The following GRIK1 variants were observed in gnomAD, a reference collection of about 807,000 sequenced individuals.
GRIK1 encodes glutamate ionotropic receptor kainate type subunit 1, also known as glutamate receptor ionotropic, kainate 1.
GRIK1 carries 69 observed loss-of-function variants against 105.7 expected under a neutral mutation model. The observed-to-expected ratio is 0.65, with a 90% CI of 0.54 to 0.80. The LOEUF (loss-of-function observed/expected upper bound fraction) is 0.80. GRIK1 is among the 30% of genes least tolerant of loss of function. GRIK1 has a pLI of 0.00. For missense variants in GRIK1, 1,109 were observed against 1,167.3 expected, an observed-to-expected ratio of 0.95 and a Z score of 0.73; for synonymous variants, 438 against 431.3, an observed-to-expected ratio of 1.02 and a Z score of -0.19.
intron 1 of GRIK1, among the ~76,000 whole-genome samples, chr21:29,814,889 A>G (rs1418947076): frequency 6.6e-6 from 1 of 152,088 alleles, no homozygotes; most frequent in Non-Finnish European, 1.5e-5. Context: ...TGACACCAGA[A>G]AGTCTTGTTT....
chr21:29,633,304 TC>T (rs1240875817), intron 7 of GRIK1, among the ~76,000 whole-genome samples: 4 of 152,122 alleles, frequency 2.6e-5, no homozygotes, highest in Non-Finnish European at 5.9e-5. Context: ...CTGGAGATTA[TC>T]CTGGCCAACA....
intron 1 of GRIK1, among the ~76,000 whole-genome samples, chr21:29,747,435 C>A (rs2065073364): frequency 6.6e-6 from 1 of 152,206 alleles, no homozygotes; most frequent in South Asian, 2.1e-4. Context: ...TGTGATCTGG[C>A]TTCCTGCAGG....
At chr21:29,722,783 A>G (rs189198123) in intron 1 of GRIK1, among the ~76,000 whole-genome samples, 3 of 152,240 alleles carry the variant, frequency 2.0e-5, no homozygotes, top group Admixed American at 1.3e-4. Context: ...GCTATTTGCC[A>G]TTGTGTTCTT....
chr21:29,566,907 C>A (rs1411873281), intron 14 of GRIK1, among the ~76,000 whole-genome samples: 2 of 152,142 alleles, frequency 1.3e-5, no homozygotes, highest in African/African-American at 4.8e-5. Context: ...ATACACAGAG[C>A]AGCAAACTCA....
At chr21:29,768,619 C>A (rs2065734455) in intron 1 of GRIK1, among the ~76,000 whole-genome samples, 1 of 152,306 alleles carries the variant, frequency 6.6e-6, no homozygotes, top group East Asian at 1.9e-4. Flanking sequence ...TCCTCCGCCT[C>A]TGGGTTGCAT....
At chr21:29,753,481 G>A (rs374628864) in intron 1 of GRIK1, among the ~76,000 whole-genome samples, 11 of 152,258 alleles carry the variant, frequency 7.2e-5, no homozygotes, top group Admixed American at 3.9e-4. Context: ...TGGACTCTCC[G>A]CAGATGGGGC....
intron 1 of GRIK1, among the ~76,000 whole-genome samples, chr21:29,704,939 A>C (rs1431224833): frequency 6.6e-6 from 1 of 152,182 alleles, no homozygotes; most frequent in Non-Finnish European, 1.5e-5. Context: ...TGATCACTTT[A>C]ATGTCTCTTG....
chr21:29,831,307 C>T (rs1467851305), intron 1 of GRIK1, among the ~76,000 whole-genome samples: 1 of 152,148 alleles, frequency 6.6e-6, no homozygotes, highest in African/African-American at 2.4e-5. Flanking sequence ...GTCCCATTGG[C>T]TTCCTTCAGT....
intron 1 of GRIK1, among the ~76,000 whole-genome samples, chr21:29,713,571 C>T (rs1601515081): frequency 6.6e-6 from 1 of 152,196 alleles, no homozygotes; most frequent in Middle Eastern, 3.4e-3. Flanking sequence ...ACCATAAATA[C>T]ATTAATAAAT....
intron 1 of GRIK1, among the ~76,000 whole-genome samples, chr21:29,786,058 G>T (rs140554666): frequency 2.0e-5 from 3 of 152,196 alleles, no homozygotes. Flanking sequence ...GGCGATCTCC[G>T]CTCACTGCAA....
At chr21:29,639,487 C>T (rs550863060) in intron 7 of GRIK1, among the ~76,000 whole-genome samples, 2 of 152,108 alleles carry the variant, frequency 1.3e-5, no homozygotes, top group Non-Finnish European at 2.9e-5. Context: ...GCATTGCAAT[C>T]AGAGTTAAAA....
chr21:29,912,348 G>A (rs1188015913), intron 1 of GRIK1, among the ~76,000 whole-genome samples: 1 of 151,986 alleles, frequency 6.6e-6, no homozygotes, highest in African/African-American at 2.4e-5. Context: ...AGAGATGTCA[G>A]CCCCAAGATA....
At chr21:29,754,767 T>C (rs2065292534) in intron 1 of GRIK1, among the ~76,000 whole-genome samples, 1 of 152,186 alleles carries the variant, frequency 6.6e-6, no homozygotes, top group Non-Finnish European at 1.5e-5. Flanking sequence ...ATTCAACCAG[T>C]TGAAAGGATG....
chr21:29,762,580 A>G (rs2065555607), intron 1 of GRIK1, among the ~76,000 whole-genome samples: 1 of 152,220 alleles, frequency 6.6e-6, no homozygotes, highest in African/African-American at 2.4e-5. Context: ...TCAGGGGCTC[A>G]TGCTTGCATT....
chr21:29,921,664 A>T (rs1335594246), intron 1 of GRIK1, among the ~76,000 whole-genome samples: 6 of 152,194 alleles, frequency 3.9e-5, no homozygotes, highest in Non-Finnish European at 7.4e-5. Flanking sequence ...GACTTCTAAC[A>T]TCTAAAATTT....
At chr21:29,650,319 T>G (rs926468450) in intron 6 of GRIK1, among the ~76,000 whole-genome samples, 3 of 152,212 alleles carry the variant, frequency 2.0e-5, no homozygotes, top group Admixed American at 6.5e-5. Flanking sequence ...GAATGGATAA[T>G]AAAATACTAT....
Position 29,541,575 on chromosome 21 carries a change from C to CTTTTTTTTTTTTTTTTTTTTTTTTTTTT in GRIK1, c.2608-3692_2608-3691insAAAAAAAAAAAAAAAAAAAAAAAAAAAA, listed in dbSNP as rs34910439. 4.3e-4 allele frequency among the ~76,000 whole-genome samples: 41 copies of CTTTTTTTTTTTTTTTTTTTTTTTTTTTT among 95,966 alleles called. 3 individuals are homozygous for CTTTTTTTTTTTTTTTTTTTTTTTTTTTT. The highest frequency in any genetic ancestry group is 1.2e-3 in the African/African-American group (26 of 20,950). 63.0% of individuals were successfully genotyped at this position (95,966 alleles called of 152,430 possible). A position where few individuals can be genotyped will look rare whatever the true frequency, so the allele number is the denominator to read the frequency against. On this transcript the variant is annotated intron_variant, in intron 16 of 17. Coordinates refer to ENST00000327783, the MANE Select transcript of GRIK1 (RefSeq NM_001330994.2). ...CTATGCCATTCATTGCACTCACGGT[C>CTTTTTTTTTTTTTTTTTTTTTTTTTTTT]TTTTTTTTTTTTTTTTTTTTTGTGG...
At chr21:29,550,107 C>CAAGAAAAAAAAAAAA (rs565858029) in intron 16 of GRIK1, among the ~76,000 whole-genome samples, 1 of 53,476 alleles carries the variant, frequency 1.9e-5, no homozygotes, top group African/African-American at 8.5e-5. Context: ...GACTCCATCT[C>CAAGAAAAAAAAAAAA]AAAAAAAAAA....
intron 7 of GRIK1, among the ~76,000 whole-genome samples, chr21:29,633,809 G>C (rs1370058141): frequency 6.6e-6 from 1 of 152,162 alleles, no homozygotes; most frequent in Non-Finnish European, 1.5e-5. Flanking sequence ...AGCTAGGGAT[G>C]CTGAAGAATG....
Sources: gnomAD v4.1 joint callset for allele counts (sites outside exome capture counted in the v4.1 genomes callset) on GRCh38, gnomAD v4.1.1 for gene constraint, MANE v1.5 for transcripts, NCBI Gene and HGNC (gene_info 2026-07-23, HGNC 2026-07-21) for gene names.